MMP8: variants seen among roughly 807,000 people sequenced by gnomAD.
MMP8 encodes the protein neutrophil collagenase.
Under a neutral mutation model 51.2 loss-of-function variants are expected in MMP8, and 67 were observed. That is an observed-to-expected ratio of 1.31 (90% CI 1.08 to 1.60). The LOEUF (loss-of-function observed/expected upper bound fraction) is 1.60. Ranked by LOEUF, MMP8 falls within the 40% of genes most tolerant of loss-of-function variation. MMP8 has a pLI of 0.00. For missense variants in MMP8, 654 were observed against 558.1 expected (o/e 1.17, Z -1.73); for synonymous variants, 225 against 191.0 (o/e 1.18, Z -1.47).
At chr11:102,720,988 T>G (rs967450223) in intron 4 of MMP8, among the ~76,000 whole-genome samples, 1 of 151,950 alleles carries the variant, frequency 6.6e-6, no homozygotes, top group East Asian at 1.9e-4. Context: ...AAGAACCAGA[T>G]AGCAAATATT....
rs775336365 is a variant in MMP8, at chr11:102,718,433, A to G, written c.765T>C (p.Asp255=). 6.2e-7 allele frequency: 1 copy of G among 1,612,436 alleles called. No homozygotes were observed. Among genetic ancestry groups the G allele is most frequent in the Non-Finnish European group, 8.5e-7 (1 of 1,179,216 alleles). The part of the protein sequence containing the change: ...SNYSLPQDDI[D]GIQAIYGLSS... The stretch of plus-strand genomic sequence containing the variant: ...CCTTACCATAGATGGCCTGAATGCC[A>G]TCGATGTCATCTTGAGGGAGTGAGT... The change falls in exon 5 of 10, where the codon GAT becomes GAC. Residue 255 remains aspartate (D), a synonymous_variant. Transcript: ENST00000236826.
intron 4 of MMP8, 139 bp from the exon 5 acceptor site, chr11:102,718,714 T>A: frequency 1.1e-6 from 1 of 913,312 alleles, no homozygotes; most frequent in Non-Finnish European, 1.7e-6. Context: ...CATCTTTCTT[T>A]CAGATACCTG....
rs151228128 is a variant in MMP8 at position 102,714,041 on chromosome 11, C to A, written c.1191-184G>T. 1.7e-3 allele frequency among the ~76,000 whole-genome samples: 263 copies of A among 152,232 alleles called. 5 individuals are homozygous for A. In the East Asian group the frequency reaches 0.033, roughly 19 times the overall value. On this transcript the variant is annotated intron_variant, in intron 8 of 9. Coordinates refer to ENST00000236826, the MANE Select transcript of MMP8 (RefSeq NM_002424.3). ...TACCTAAGGGTACACATTTATAAAACATATGGTTATCATTAATTCTAAAAC... is the reference window on the plus strand; with the variant it reads ...TACCTAAGGGTACACATTTATAAAAAATATGGTTATCATTAATTCTAAAAC...
intron 1 of MMP8, among the ~76,000 whole-genome samples, chr11:102,723,248 A>T (rs7123658): frequency 0.63 from 95,198 of 152,072 alleles, 30,373 homozygotes; most frequent in African/African-American, 0.76. Flanking sequence ...CACCAAAGTA[A>T]CTCTTTGGAA....
intron 4 of MMP8, among the ~76,000 whole-genome samples, chr11:102,719,400 A>G (rs1861404403): frequency 6.7e-6 from 1 of 149,190 alleles, no homozygotes; most frequent in African/African-American, 2.6e-5. Flanking sequence ...CTTTTAAAAA[A>G]AGCCATAATT....
At chr11:102,719,609 C>G (rs1861410847) in intron 4 of MMP8, among the ~76,000 whole-genome samples, 1 of 152,202 alleles carries the variant, frequency 6.6e-6, no homozygotes, top group Non-Finnish European at 1.5e-5. Flanking sequence ...GCTCTTACTG[C>G]AATGTTCAAC....
In MMP8 at chr11:102,716,387, G is replaced by A; in HGVS notation, c.817C>T (p.Pro273Ser). 6.6e-7 allele frequency: 1 copy of A among 1,521,062 alleles called. No homozygotes were observed. Among genetic ancestry groups the A allele is most frequent in the Non-Finnish European group, 9.0e-7 (1 of 1,113,830 alleles). 94.2% of individuals were successfully genotyped at this position (1,521,062 alleles called of 1,614,324 possible). The change falls in exon 6 of 10, where the codon CCA (proline) becomes TCA (serine). Residue 273 changes from proline (P) to serine (S), a missense_variant. Coordinates refer to ENST00000236826, the MANE Select transcript of MMP8 (RefSeq NM_002424.3). The stretch of plus-strand genomic sequence containing the variant: ...GGGTCACAGGGTTTGGGTGTGCTTG[G>A]TCCAGTAGGTTGGATAGGGTTGCTT... Reference protein sequence around the residue: ...LSSNPIQPTGPSTPKPCDPSL... With the variant: ...LSSNPIQPTGSSTPKPCDPSL...
chr11:102,713,996 T>C, intron 8 of MMP8, 139 bp from the exon 9 acceptor site: 1 of 539,934 alleles, frequency 1.9e-6, no homozygotes, highest in South Asian at 2.8e-5. Context: ...TTTACTAGGA[T>C]TAAGAATGGT....
chr11:102,721,078 A>G (rs1861453981), intron 4 of MMP8, among the ~76,000 whole-genome samples: 1 of 152,234 alleles, frequency 6.6e-6, no homozygotes, highest in Non-Finnish European at 1.5e-5. Context: ...TTTATGATAT[A>G]GAAACAAATA....
At chr11:102,721,356 G>A (rs533148832) in intron 4 of MMP8, 45 bp downstream of exon 4, 2 of 1,604,176 alleles carry the variant, frequency 1.2e-6, no homozygotes, top group Admixed American at 1.7e-5. Flanking sequence ...ATCTGTAAAA[G>A]GTTAATTCAG....
In MMP8 at chr11:102,721,318, TTGTGTGTG is replaced by T. The variant is rs5794191; in HGVS notation, c.622+75_622+82del. On this transcript the variant is annotated intron_variant, in intron 4 of 9. Transcript: ENST00000236826. Reference sequence around the variant, plus strand: ...AGTTTGAAATATTATGTTACCTTTATTGTGTGTGTGTGTGTGTGTGTATTCTAATCTGT... The same window carrying T: ...AGTTTGAAATATTATGTTACCTTTATTGTGTGTGTGTGTATTCTAATCTGT... The T allele has an allele frequency of 3.7e-6, 5 of 1,353,346 alleles. No homozygotes were observed. In the African/African-American group the frequency reaches 4.5e-5, roughly 12 times the overall value. The allele number at this position is 1,353,346 out of a possible 1,614,324, so 83.8% of individuals were successfully genotyped here.
chr11:102,713,792 C>T lies in MMP8; in HGVS notation c.1256G>A (p.Gly419Glu), dbSNP rs772193715. The T allele has an allele frequency of 3.1e-6, 5 of 1,611,750 alleles. No homozygotes were observed. The highest frequency in any genetic ancestry group is 1.7e-4 in the Middle Eastern group (1 of 6,038). ...YPKSISGAFP[G>E]IESKVDAVFQ... ...AACTGCATCAACTTTACTCTCTATT[C>T]CTGGAAAGGCACCTGATATGCTTTT... Residue 419 changes from glycine (G) to glutamate (E), a missense_variant, in exon 9 of 10, where the codon GGA becomes GAA. Physicochemically the swap from Gly to Glu is moderately conservative, Grantham distance 98 (BLOSUM62 -2). Transcript: ENST00000236826.
At position 102,714,607 on chromosome 11, in the gene MMP8, G is replaced by C; in HGVS notation, c.1139C>G (p.Ala380Gly). The C allele has an allele frequency of 6.6e-7, 1 of 1,522,472 alleles. No homozygotes were observed. The highest frequency in any genetic ancestry group is 8.8e-7 in the Non-Finnish European group (1 of 1,137,036). 94.3% of individuals were successfully genotyped at this position (1,522,472 alleles called of 1,614,324 possible). A position where few individuals can be genotyped will look rare whatever the true frequency, so the allele number is the denominator to read the frequency against. ...GTATGTTTTACTTCTGTAGAAAACA[G>C]CTGCGTCAATTGCTTGGACGCTGCT... ...FPSSVQAIDA[A>G]VFYRSKTYFF... The change falls in exon 8 of 10, where the codon GCT (alanine) becomes GGT (glycine). Residue 380 changes from alanine to glycine, a missense_variant. Physicochemically the swap from Ala to Gly is moderately conservative, Grantham distance 60. Coordinates refer to ENST00000236826, the MANE Select transcript of MMP8 (RefSeq NM_002424.3).
chr11:102,715,581 G>T, intron 6 of MMP8, 144 bp from the exon 7 acceptor site: 1 of 1,100,294 alleles, frequency 9.1e-7, no homozygotes, highest in Non-Finnish European at 1.3e-6. Context: ...TCCTAGCACA[G>T]TGACCAGCAT....
intron 4 of MMP8, among the ~76,000 whole-genome samples, chr11:102,721,158 T>C (rs557876427): frequency 1.0e-3 from 159 of 152,314 alleles, no homozygotes; most frequent in African/African-American, 3.0e-3. Context: ...CCGTAGTCTG[T>C]ATTTTCTGAT....
intron 4 of MMP8, among the ~76,000 whole-genome samples, chr11:102,718,776 G>T (rs1033065609): frequency 4.6e-5 from 7 of 152,206 alleles, no homozygotes; most frequent in African/African-American, 1.7e-4. Flanking sequence ...TGGCGACTAG[G>T]TGAGTATGAA....
intron 1 of MMP8, chr11:102,723,048 T>C (rs2134316945): frequency 7.7e-7 from 1 of 1,291,838 alleles, no homozygotes. Flanking sequence ...TTTTTTATCC[T>C]CTTCACTACT....
At chr11:102,713,732 T>C in intron 9 of MMP8, 22 bp downstream of exon 9, 3 of 1,461,032 alleles carry the variant, frequency 2.1e-6, no homozygotes, top group Non-Finnish European at 2.8e-6. Flanking sequence ...ACACATTTAT[T>C]AGGTTTTTTT....
Position 102,713,461 on chromosome 11 carries a change from T to C in MMP8, c.1295-4A>G, listed in dbSNP as rs1262327516. On this transcript the variant is annotated splice_region_variant and splice_polypyrimidine_tract_variant and intron_variant, in intron 9 of 9. Coordinates refer to ENST00000236826, the MANE Select transcript of MMP8 (RefSeq NM_002424.3). ...CCACTGAAGACATGGAAGAAATCTA[T>C]AAAAAAAGAGAGATAATTTATTGAA... is the stretch of plus-strand genomic sequence containing the variant. The C allele has an allele frequency of 1.3e-6, 2 of 1,595,324 alleles. No homozygotes were observed. Among genetic ancestry groups the C allele is most frequent in the South Asian group, 1.1e-5 (1 of 90,442 alleles).
Sources: gnomAD v4.1 joint callset for allele counts (sites outside exome capture counted in the v4.1 genomes callset) on GRCh38, gnomAD v4.1.1 for gene constraint, MANE v1.5 for transcripts, NCBI Gene and HGNC (gene_info 2026-07-23, HGNC 2026-07-21) for gene names.